The following ARHGAP10 variants were observed in gnomAD, a reference collection of about 807,000 sequenced individuals.
ARHGAP10 encodes the protein Rho GTPase activating protein 10, also known as rho GTPase-activating protein 10.
A neutral mutation model predicts 108.6 loss-of-function variants in ARHGAP10; 87 were observed. That is an observed-to-expected ratio of 0.80 (90% CI 0.67 to 0.96). ARHGAP10 has a LOEUF of 0.96. Among genes scored for constraint, ARHGAP10 ranks in the 40% least tolerant of loss-of-function variants. The pLI, the probability that ARHGAP10 is intolerant of heterozygous loss-of-function variation, is 0.00. For missense variants in ARHGAP10, 939 were observed against 954.5 expected (o/e 0.98, Z 0.21); for synonymous variants, 347 against 341.1 (o/e 1.02, Z -0.19).
At chr4:148,015,014 C>T (rs944113136) in intron 18 of ARHGAP10, among the ~76,000 whole-genome samples, 1 of 152,066 alleles carries the variant, frequency 6.6e-6, no homozygotes, top group African/African-American at 2.4e-5. Context: ...GATGGGTGAC[C>T]ACTGGCAGGG....
intron 20 of ARHGAP10, among the ~76,000 whole-genome samples, chr4:148,056,045 C>T (rs1260112802): frequency 6.6e-6 from 1 of 152,202 alleles, no homozygotes; most frequent in Admixed American, 6.5e-5. Flanking sequence ...CACAGCTACA[C>T]TTAGTTGTTT....
chr4:147,740,899 G>A (rs1578986958), intron 1 of ARHGAP10, among the ~76,000 whole-genome samples: 1 of 151,990 alleles, frequency 6.6e-6, no homozygotes, highest in Non-Finnish European at 1.5e-5. Flanking sequence ...CCAAGGGGTA[G>A]GACCTATCTC....
intron 20 of ARHGAP10, among the ~76,000 whole-genome samples, chr4:148,055,486 C>G (rs181823929): frequency 6.6e-6 from 1 of 152,138 alleles, no homozygotes; most frequent in South Asian, 2.1e-4. Flanking sequence ...GTCAGGAGTT[C>G]GAGAGCAGCC....
intron 19 of ARHGAP10, among the ~76,000 whole-genome samples, chr4:148,038,251 C>T (rs529338179): frequency 6.6e-6 from 1 of 152,230 alleles, no homozygotes; most frequent in East Asian, 1.9e-4. Flanking sequence ...TCCTGGGTAA[C>T]ATTAGGAGGA....
At chr4:147,910,251 G>A (rs1286468829) in intron 12 of ARHGAP10, among the ~76,000 whole-genome samples, 3 of 151,852 alleles carry the variant, frequency 2.0e-5, no homozygotes, top group African/African-American at 7.3e-5. Context: ...TCAAACTCCT[G>A]GGGTCAAGTG....
chr4:147,830,810 G>A (rs895035174), intron 3 of ARHGAP10, among the ~76,000 whole-genome samples: 3 of 152,158 alleles, frequency 2.0e-5, no homozygotes, highest in Admixed American at 1.3e-4. Context: ...GTGAGCCACC[G>A]CACCCAGTTG....
rs576270271 is a variant in ARHGAP10 at position 147,935,952 on chromosome 4, T to C, written c.1229-3873T>C. Among the ~76,000 whole-genome samples, 6 of 152,338 alleles carry C rather than the reference T, an allele frequency of 3.9e-5. No individual in the cohort carries two copies. The East Asian group carries it at 1.2e-3, about 29-fold the overall frequency. ...TGATGAATTTGAACTTGATCAATTA[T>C]TTGATAGTAATTACTGGCACAGAGT... is the stretch of plus-strand genomic sequence containing the variant. On this transcript the variant is annotated intron_variant, in intron 13 of 22. Coordinates refer to ENST00000336498, the MANE Select transcript of ARHGAP10 (RefSeq NM_024605.4).
chr4:147,744,921 G>A (rs1414682688), intron 1 of ARHGAP10, among the ~76,000 whole-genome samples: 2 of 152,110 alleles, frequency 1.3e-5, no homozygotes, highest in Non-Finnish European at 2.9e-5. Context: ...CGAGGCTGCC[G>A]AGAGAGAATG....
intron 1 of ARHGAP10, among the ~76,000 whole-genome samples, chr4:147,739,855 C>G (rs1217924987): frequency 2.6e-5 from 4 of 151,358 alleles, no homozygotes; most frequent in Admixed American, 2.6e-4. Flanking sequence ...CCCGCCTCAG[C>G]CTCCCAAGTA....
At chr4:147,976,749 A>C (rs1262496621) in intron 18 of ARHGAP10, among the ~76,000 whole-genome samples, 1 of 152,112 alleles carries the variant, frequency 6.6e-6, no homozygotes, top group African/African-American at 2.4e-5. Context: ...TGTAAATGGT[A>C]GATTGTATTT....
chr4:147,897,198 T>G (rs1736028348), intron 10 of ARHGAP10, among the ~76,000 whole-genome samples: 1 of 151,746 alleles, frequency 6.6e-6, no homozygotes, highest in South Asian at 2.1e-4. Context: ...GTTCTGTTTT[T>G]AAAAAAATAT....
At chr4:147,865,730 A>G (rs185263024) in intron 6 of ARHGAP10, 66 of 152,352 alleles carry the variant, frequency 4.3e-4, no homozygotes, top group African/African-American at 1.6e-3. Flanking sequence ...AACAAGAATA[A>G]CCAAGTAATG....
chr4:147,816,129 G>A (rs370797877), intron 1 of ARHGAP10, among the ~76,000 whole-genome samples: 5 of 151,782 alleles, frequency 3.3e-5, no homozygotes, highest in South Asian at 2.1e-4. Context: ...CAGCATTCTC[G>A]TCCTATCTCC....
chr4:147,842,957 T>C (rs1733475425), intron 3 of ARHGAP10, among the ~76,000 whole-genome samples: 1 of 152,280 alleles, frequency 6.6e-6, no homozygotes, highest in African/African-American at 2.4e-5. Flanking sequence ...TCATTTGTAA[T>C]GATTCTTTCA....
chr4:148,023,281 G>C lies in ARHGAP10; in HGVS notation c.1735G>C (p.Asp579His). ...TTGGAAGATTTTTCGGACGCCGCCC[G>C]ATACTACATTCCCTGAGCCCACCTG... Reference protein sequence around the residue: ...NHEKIFRTPPDTTFPEPTCLS... With the variant: ...NHEKIFRTPPHTTFPEPTCLS... The change falls in exon 19 of 23, where the codon GAT (aspartate) becomes CAT (histidine). Residue 579 changes from aspartate (D) to histidine (H), a missense_variant. Asp to His is a moderately conservative substitution (Grantham distance 81, BLOSUM62 -1). Coordinates refer to ENST00000336498, the MANE Select transcript of ARHGAP10 (RefSeq NM_024605.4). 3 of 1,613,972 alleles carry C rather than the reference G, an allele frequency of 1.9e-6. No homozygotes were observed. Among genetic ancestry groups the C allele is most frequent in the Non-Finnish European group, 2.5e-6 (3 of 1,179,910 alleles).
chr4:148,017,480 T>G (rs1741389790), intron 18 of ARHGAP10, among the ~76,000 whole-genome samples: 1 of 151,954 alleles, frequency 6.6e-6, no homozygotes, highest in Non-Finnish European at 1.5e-5. Context: ...TGTGCTACTT[T>G]TTCTTTTAAT....
chr4:147,843,825 C>T (rs145869649), intron 3 of ARHGAP10, among the ~76,000 whole-genome samples: 1 of 152,330 alleles, frequency 6.6e-6, no homozygotes, highest in African/African-American at 2.4e-5. Flanking sequence ...GAACCCCTTT[C>T]TTCTTTTATC....
chr4:148,000,438 C>G (rs1740666052), intron 18 of ARHGAP10, among the ~76,000 whole-genome samples: 1 of 152,166 alleles, frequency 6.6e-6, no homozygotes. Context: ...TGTGTACATA[C>G]CCAGTAATGG....
intron 13 of ARHGAP10, among the ~76,000 whole-genome samples, chr4:147,929,764 T>G (rs1218688212): frequency 6.6e-6 from 1 of 152,220 alleles, no homozygotes; most frequent in East Asian, 1.9e-4. Context: ...TTTTCAAGAA[T>G]ATTTCAAGAT....
Sources: gnomAD v4.1 joint callset for allele counts (sites outside exome capture counted in the v4.1 genomes callset) on GRCh38, gnomAD v4.1.1 for gene constraint, MANE v1.5 for transcripts, NCBI Gene and HGNC (gene_info 2026-07-23, HGNC 2026-07-21) for gene names.